HEATR3: variants seen among roughly 807,000 people sequenced by gnomAD.
HEATR3 encodes the protein HEAT repeat containing 3.
Under a neutral mutation model 72.8 loss-of-function variants are expected in HEATR3, and 56 were observed. The ratio of observed to expected loss-of-function variants is 0.77; its 90% CI spans 0.62 to 0.96. HEATR3 has a LOEUF of 0.96. Ranked by LOEUF, HEATR3 falls within the 40% of genes least tolerant of loss-of-function variation. HEATR3 has a pLI of 0.00. For missense variants in HEATR3, 747 were observed against 831.4 expected (o/e 0.90, Z 1.25); for synonymous variants, 331 against 318.1 (o/e 1.04, Z -0.43).
At chr16:50,098,134 T>C (rs1443844203) in intron 12 of HEATR3, 1 of 152,078 alleles carries the variant, frequency 6.6e-6, no homozygotes. Context: ...TAAAAAATGG[T>C]ACAATATTTT....
intron 12 of HEATR3, among the ~76,000 whole-genome samples, chr16:50,095,387 G>A (rs574537121): frequency 6.8e-6 from 1 of 147,814 alleles, no homozygotes; most frequent in Non-Finnish European, 1.5e-5. Context: ...GATGACAGGC[G>A]TGAACCACCG....
At chr16:50,066,339 T>G in intron 1 of HEATR3, 28 bp from the exon 2 acceptor site, 2 of 1,563,752 alleles carry the variant, frequency 1.3e-6, no homozygotes, top group Non-Finnish European at 8.6e-7. Context: ...ATTGCGCGCC[T>G]TCTGACCCTT....
At chr16:50,072,275 G>A (rs2036629116) in intron 4 of HEATR3, among the ~76,000 whole-genome samples, 1 of 152,092 alleles carries the variant, frequency 6.6e-6, no homozygotes. Flanking sequence ...TTTACCACTT[G>A]GGGCCTGGGT....
chr16:50,099,141 A>G (rs1203006276), intron 12 of HEATR3, among the ~76,000 whole-genome samples: 1 of 152,152 alleles, frequency 6.6e-6, no homozygotes, highest in Non-Finnish European at 1.5e-5. Flanking sequence ...CTCAGTTTCT[A>G]AGAAGTAGGA....
At position 50,066,234 on chromosome 16, in the gene HEATR3, G is replaced by T. The variant is rs1287341828; in HGVS notation, c.103G>T (p.Glu35Ter). ...GGCGGCGAATGGGACCGGAGGCGAGGAGGACGACGGGCCGGCGGCGGAGCT... is the reference window on the plus strand; with the variant it reads ...GGCGGCGAATGGGACCGGAGGCGAGTAGGACGACGGGCCGGCGGCGGAGCT... Reference protein sequence around the residue: ...AAAANGTGGEEDDGPAAELLE... With the variant: ...AAAANGTGGE The change falls in exon 1 of 15, where the codon GAG (glutamate) becomes TAG (stop). Residue 35 changes from glutamate (E) to a stop codon, truncating the protein, a stop_gained. Coordinates refer to ENST00000299192, the MANE Select transcript of HEATR3 (RefSeq NM_182922.4). LOFTEE classifies it high-confidence loss of function. 6.4e-7 allele frequency: 1 copy of T among 1,570,534 alleles called. No individual in the cohort carries two copies. Among genetic ancestry groups the T allele is most frequent in the Non-Finnish European group, 8.6e-7 (1 of 1,160,048 alleles).
At chr16:50,077,877 A>ATTTTTTTTTTTTTTTT (rs56374170) in intron 6 of HEATR3, among the ~76,000 whole-genome samples, 1 of 104,342 alleles carries the variant, frequency 9.6e-6, no homozygotes, top group African/African-American at 3.8e-5. Context: ...AATGGATGTA[A>ATTTTTTTTTTTTTTTT]TTTTTTTTTT....
intron 12 of HEATR3, among the ~76,000 whole-genome samples, chr16:50,097,343 T>TG (rs2037264321): frequency 1.9e-5 from 1 of 52,484 alleles, no homozygotes; most frequent in Non-Finnish European, 3.2e-5. Context: ...TTATTAGCTA[T>TG]GATTTTTTTT....
chr16:50,069,408 T>C (rs1204850332), intron 3 of HEATR3: 2 of 152,792 alleles, frequency 1.3e-5, no homozygotes, highest in African/African-American at 4.8e-5. Flanking sequence ...TAATTTTCAC[T>C]TAAGGCTACA....
chr16:50,086,931 A>AAAT (rs978602420), intron 11 of HEATR3, among the ~76,000 whole-genome samples: 2 of 152,064 alleles, frequency 1.3e-5, no homozygotes, highest in East Asian at 1.9e-4. Flanking sequence ...CTCCATCTCA[A>AAAT]AATAATAATA....
intron 7 of HEATR3, 94 bp from the exon 8 acceptor site, chr16:50,083,843 A>G (rs547561595): frequency 1.7e-5 from 20 of 1,171,374 alleles, no homozygotes; most frequent in Admixed American, 6.6e-5. Context: ...TCCAAGCGCA[A>G]AAATCTTCTA....
At position 50,084,060 on chromosome 16, in the gene HEATR3, C is replaced by G. The variant is rs74966442; in HGVS notation, c.1132+33C>G. On this transcript the variant is annotated intron_variant, in intron 8 of 14. Transcript: ENST00000299192. ...AACATTTACATTTAGACATTTTCCC[C>G]CTGAGCCAAGAGGGAAACTCCCGTG... The G allele has an allele frequency of 1.4e-3, 2,198 of 1,611,958 alleles. 32 individuals are homozygous for G. The African/African-American group carries it at 0.026, about 19-fold the overall frequency.
intron 4 of HEATR3, among the ~76,000 whole-genome samples, chr16:50,070,904 G>A (rs2036596731): frequency 6.6e-6 from 1 of 152,168 alleles, no homozygotes. Flanking sequence ...TACACCCTGA[G>A]CAGAATTTGT....
At chr16:50,084,392 T>TAGATGGTGGTA in intron 9 of HEATR3, 101 bp downstream of exon 9, 1 of 1,387,718 alleles carries the variant, frequency 7.2e-7, no homozygotes, top group Admixed American at 2.2e-5. Flanking sequence ...TTCCAGGTTG[T>TAGATGGTGGTA]AGATGGTGGT....
Position 50,102,365 on chromosome 16 carries a change from C to T in HEATR3, c.1850C>T (p.Ala617Val). 1 of 1,614,018 alleles carries T rather than the reference C, an allele frequency of 6.2e-7. No individual in the cohort carries two copies. Among genetic ancestry groups the T allele is most frequent in the South Asian group, 1.1e-5 (1 of 91,086 alleles). ...GATGTTTTTGCAGATGGTAAAGAAG[C>T]CGAAAGAGCCTCGATTCAAATTAAA... The part of the protein sequence containing the change: ...LFDVFADGKE[A>V]ERASIQIKLL... Residue 617 changes from alanine (A) to valine (V), a missense_variant, in exon 14 of 15, where the codon GCC becomes GTC. Ala to Val is a moderately conservative substitution (Grantham distance 64). Coordinates refer to ENST00000299192, the MANE Select transcript of HEATR3 (RefSeq NM_182922.4).
At chr16:50,070,028 T>C (rs1399534157) in intron 3 of HEATR3, 150 bp from the exon 4 acceptor site, 2 of 449,126 alleles carry the variant, frequency 4.5e-6, no homozygotes. Flanking sequence ...ATACTTTGTA[T>C]TGATTTTGTA....
intron 11 of HEATR3, 50 bp from the exon 12 acceptor site, chr16:50,094,655 T>G (rs758175635): frequency 9.5e-7 from 1 of 1,051,026 alleles, no homozygotes; most frequent in Non-Finnish European, 1.4e-6. Context: ...TTCTACAAAA[T>G]AGCCTATCTT....
At chr16:50,066,561 G>C in intron 2 of HEATR3, 22 bp downstream of exon 2, 1 of 1,281,598 alleles carries the variant, frequency 7.8e-7, no homozygotes, top group Non-Finnish European at 9.8e-7. Flanking sequence ...AGGGTGCGGG[G>C]CGGTGCCCAC....
chr16:50,086,749 A>G (rs2036996517), intron 11 of HEATR3, among the ~76,000 whole-genome samples: 1 of 152,004 alleles, frequency 6.6e-6, no homozygotes, highest in Non-Finnish European at 1.5e-5. Context: ...GGCCAACATG[A>G]TGAAACCGCT....
intron 11 of HEATR3, among the ~76,000 whole-genome samples, chr16:50,086,856 G>C (rs1161388986): frequency 6.6e-6 from 1 of 152,156 alleles, no homozygotes; most frequent in Non-Finnish European, 1.5e-5. Flanking sequence ...TTGAACCCAG[G>C]AGGTGGGGAT....
Sources: allele counts gnomAD v4.1 joint callset (sites outside exome capture counted in the v4.1 genomes callset), GRCh38; gene constraint gnomAD v4.1.1; transcripts MANE v1.5; gene names NCBI Gene and HGNC (gene_info 2026-07-23, HGNC 2026-07-21).